The following LHFPL6 variants were observed in gnomAD, a reference collection of about 807,000 sequenced individuals.
The protein encoded by LHFPL6 is LHFPL tetraspan subfamily member 6.
Under a neutral mutation model 20.6 loss-of-function variants are expected in LHFPL6, and 9 were observed. That is an observed-to-expected ratio of 0.44 (90% CI 0.26 to 0.76). LHFPL6 has a LOEUF of 0.76. Ranked by LOEUF, LHFPL6 falls within the 30% of genes least tolerant of loss-of-function variation. The probability of loss-of-function intolerance (pLI) is 0.20; values close to 1 mark genes in which losing one functional copy is unlikely to be tolerated. For missense variants in LHFPL6, 218 were observed against 253.5 expected, an observed-to-expected ratio of 0.86 and a Z score of 0.95; for synonymous variants, 105 against 98.7, an observed-to-expected ratio of 1.06 and a Z score of -0.38.
At chr13:39,494,270 A>G (rs1046536146) in intron 2 of LHFPL6, among the ~76,000 whole-genome samples, 1 of 152,272 alleles carries the variant, frequency 6.6e-6, no homozygotes, top group Non-Finnish European at 1.5e-5. Flanking sequence ...CGCAGCTCTT[A>G]GCGCTGCCCA....
intron 2 of LHFPL6, among the ~76,000 whole-genome samples, chr13:39,394,341 T>C (rs1870789876): frequency 6.6e-6 from 1 of 152,174 alleles, no homozygotes; most frequent in Non-Finnish European, 1.5e-5. Context: ...TATTTATGCA[T>C]AGTCACATTC....
At chr13:39,529,921 A>G (rs1593351040) in intron 2 of LHFPL6, among the ~76,000 whole-genome samples, 1 of 152,384 alleles carries the variant, frequency 6.6e-6, no homozygotes, top group East Asian at 1.9e-4. Context: ...AAGTGTCAAG[A>G]AGAAAAAGGT....
At chr13:39,594,402 C>CAA (rs1320711581) in intron 2 of LHFPL6, among the ~76,000 whole-genome samples, 1 of 152,178 alleles carries the variant, frequency 6.6e-6, no homozygotes, top group Non-Finnish European at 1.5e-5. Flanking sequence ...AAATGCAAAT[C>CAA]AAAACCACAA....
At chr13:39,414,468 G>C (rs945158243) in intron 2 of LHFPL6, among the ~76,000 whole-genome samples, 2 of 152,118 alleles carry the variant, frequency 1.3e-5, no homozygotes, top group African/African-American at 4.8e-5. Flanking sequence ...TTATGCTTCA[G>C]GGCATGTGTT....
chr13:39,489,545 C>T (rs1352170694), intron 2 of LHFPL6, among the ~76,000 whole-genome samples: 1 of 97,014 alleles, frequency 1.0e-5, no homozygotes, highest in Non-Finnish European at 2.1e-5. Context: ...GAGAAGTATG[C>T]TGTGGCTTTT....
chr13:39,390,208 G>T (rs1418308039), intron 2 of LHFPL6, among the ~76,000 whole-genome samples: 2 of 152,040 alleles, frequency 1.3e-5, no homozygotes, highest in African/African-American at 4.8e-5. Flanking sequence ...GTGAAAGAAG[G>T]ACTTTCTACA....
intron 2 of LHFPL6, among the ~76,000 whole-genome samples, chr13:39,486,764 C>A (rs1302046321): frequency 1.3e-5 from 2 of 152,160 alleles, no homozygotes; most frequent in African/African-American, 2.4e-5. Context: ...ATCAGGATAT[C>A]TAATGTCAAA....
intron 2 of LHFPL6, among the ~76,000 whole-genome samples, chr13:39,560,046 A>G (rs914914421): frequency 1.3e-5 from 2 of 152,194 alleles, no homozygotes; most frequent in Non-Finnish European, 2.9e-5. Context: ...TGATGATGGC[A>G]TCAGAACCCC....
intron 2 of LHFPL6, among the ~76,000 whole-genome samples, chr13:39,552,466 G>C (rs1480553966): frequency 6.6e-6 from 1 of 152,128 alleles, no homozygotes; most frequent in East Asian, 1.9e-4. Context: ...GTGCATGCAA[G>C]GGATCAAAGG....
chr13:39,532,256 T>C (rs979942331), intron 2 of LHFPL6, among the ~76,000 whole-genome samples: 2 of 152,084 alleles, frequency 1.3e-5, no homozygotes, highest in Non-Finnish European at 2.9e-5. Flanking sequence ...CCCTTAGTGG[T>C]TCCCAAGTGC....
chr13:39,388,617 G>A (rs1466767287), intron 2 of LHFPL6, among the ~76,000 whole-genome samples: 2 of 152,148 alleles, frequency 1.3e-5, no homozygotes, highest in African/African-American at 4.8e-5. Flanking sequence ...TGAGGAGGGG[G>A]AGGTAACACC....
At chr13:39,398,184 C>G (rs1034519735) in intron 2 of LHFPL6, among the ~76,000 whole-genome samples, 4 of 152,172 alleles carry the variant, frequency 2.6e-5, no homozygotes, top group African/African-American at 9.7e-5. Context: ...TCCATTTCAA[C>G]CAGGGCTGCT....
intron 2 of LHFPL6, among the ~76,000 whole-genome samples, chr13:39,551,939 T>C (rs1331025571): frequency 6.6e-6 from 1 of 152,238 alleles, no homozygotes; most frequent in Admixed American, 6.5e-5. Context: ...TAGCCCTCTG[T>C]ATCTAAAAGT....
intron 2 of LHFPL6, among the ~76,000 whole-genome samples, chr13:39,495,363 G>A (rs1289000245): frequency 6.6e-6 from 1 of 152,154 alleles, no homozygotes; most frequent in Non-Finnish European, 1.5e-5. Context: ...AGGATTCAGT[G>A]AGTCTAGTCA....
At chr13:39,524,165 G>A (rs1168425986) in intron 2 of LHFPL6, among the ~76,000 whole-genome samples, 2 of 152,130 alleles carry the variant, frequency 1.3e-5, no homozygotes, top group Non-Finnish European at 2.9e-5. Context: ...ATGCCACTGC[G>A]CTCAAGAAGT....
intron 2 of LHFPL6, among the ~76,000 whole-genome samples, chr13:39,598,521 C>A (rs947314870): frequency 1.3e-5 from 2 of 151,982 alleles, no homozygotes; most frequent in African/African-American, 4.8e-5. Context: ...TAGAGAATAT[C>A]AGCTGCTACT....
chr13:39,383,949 G>C (rs1421249530), intron 2 of LHFPL6, among the ~76,000 whole-genome samples: 1 of 152,124 alleles, frequency 6.6e-6, no homozygotes, highest in Non-Finnish European at 1.5e-5. Flanking sequence ...AGCACTTCCT[G>C]ATTTCCTGAA....
intron 2 of LHFPL6, among the ~76,000 whole-genome samples, chr13:39,430,916 G>A (rs1222206175): frequency 1.3e-5 from 2 of 152,162 alleles, no homozygotes; most frequent in Non-Finnish European, 2.9e-5. Flanking sequence ...CCCCTTCCAC[G>A]CTGTTCAAGC....
At chr13:39,541,751 G>A (rs1047006813) in intron 2 of LHFPL6, among the ~76,000 whole-genome samples, 4 of 152,104 alleles carry the variant, frequency 2.6e-5, no homozygotes, top group African/African-American at 9.7e-5. Flanking sequence ...CTGATCCAAT[G>A]CCTAGAACAT....
Sources: allele counts gnomAD v4.1 joint callset (sites outside exome capture counted in the v4.1 genomes callset), GRCh38; gene constraint gnomAD v4.1.1; transcripts MANE v1.5; gene names NCBI Gene and HGNC (gene_info 2026-07-23, HGNC 2026-07-21).